MYBPC1: variants seen among roughly 807,000 people sequenced by gnomAD.
MYBPC1 encodes the protein myosin binding protein C1, also known as myosin-binding protein C, slow-type.
A neutral mutation model predicts 147.1 loss-of-function variants in MYBPC1; 52 were observed. The ratio of observed to expected loss-of-function variants is 0.35; its 90% CI spans 0.28 to 0.45. The LOEUF (loss-of-function observed/expected upper bound fraction) is 0.45, where lower values mean the gene tolerates loss of function less well. Among genes scored for constraint, MYBPC1 ranks in the 20% least tolerant of loss-of-function variants. The pLI, the probability that MYBPC1 is intolerant of heterozygous loss-of-function variation, is 1.00. For synonymous variants in MYBPC1, 477 were observed against 475.9 expected, an observed-to-expected ratio of 1.00 and a Z score of -0.03; for missense variants, 1,228 against 1,440.3, an observed-to-expected ratio of 0.85 and a Z score of 2.39.
At chr12:101,634,481 A>T in intron 8 of MYBPC1, 73 bp from the exon 9 acceptor site, 1 of 1,218,062 alleles carries the variant, frequency 8.2e-7, no homozygotes, top group Non-Finnish European at 1.2e-6. Flanking sequence ...GAATCCCCAC[A>T]GCCTATAAAG....
chr12:101,598,108 C>T (rs558883074), intron 1 of MYBPC1, among the ~76,000 whole-genome samples: 7 of 151,580 alleles, frequency 4.6e-5, no homozygotes, highest in African/African-American at 7.3e-5. Context: ...CAGCCTTTGC[C>T]TCCCAGGTTC....
At chr12:101,663,831 T>C (rs1326730303) in intron 22 of MYBPC1, among the ~76,000 whole-genome samples, 1 of 152,140 alleles carries the variant, frequency 6.6e-6, no homozygotes, top group Admixed American at 6.5e-5. Context: ...TAACAAAACT[T>C]TGGGGACTTC....
At chr12:101,692,088 G>A in the MYBPC1 span, among the ~76,000 whole-genome samples, 2 of 152,162 alleles carry the variant, frequency 1.3e-5, no homozygotes, top group Non-Finnish European at 2.9e-5. Context: ...ACAAATGAGA[G>A]TGGGTTTGGG....
In MYBPC1 at chr12:101,642,404, G is replaced by T; in HGVS notation, c.666-15G>T. 1 of 1,613,878 alleles carries T rather than the reference G, an allele frequency of 6.2e-7. No homozygotes were observed. The stretch of plus-strand genomic sequence containing the variant: ...AGTGCAGCTACTAAACTAGACCATG[G>T]TTCTCCCCGGTTAGGGAGGTGAAGC... On this transcript the variant is annotated splice_polypyrimidine_tract_variant and intron_variant, in intron 10 of 31. Transcript: ENST00000361466.
intron 16 of MYBPC1, among the ~76,000 whole-genome samples, chr12:101,651,822 C>T (rs1894527057): frequency 6.6e-6 from 1 of 152,096 alleles, no homozygotes; most frequent in Admixed American, 6.6e-5. Flanking sequence ...CACCTGTAAT[C>T]CCAACTACTT....
intron 17 of MYBPC1, 105 bp downstream of exon 17, chr12:101,652,889 A>G: frequency 8.8e-7 from 1 of 1,132,304 alleles, no homozygotes; most frequent in South Asian, 1.3e-5. Flanking sequence ...TTAAGGAAAA[A>G]TACATCAATT....
intron 30 of MYBPC1, among the ~76,000 whole-genome samples, chr12:101,682,981 A>C (rs531135306): frequency 6.6e-6 from 1 of 152,310 alleles, no homozygotes; most frequent in East Asian, 1.9e-4. Context: ...ATATTTCTTT[A>C]ATATTTTCAT....
intron 18 of MYBPC1, among the ~76,000 whole-genome samples, chr12:101,654,610 C>T (rs984989343): frequency 5.3e-5 from 8 of 152,064 alleles, no homozygotes; most frequent in African/African-American, 1.9e-4. Context: ...CAGAGAGTCC[C>T]CCTGGAGCTC....
At chr12:101,642,318 C>G (rs1892214982) in intron 10 of MYBPC1, 101 bp from the exon 11 acceptor site, 1 of 1,289,880 alleles carries the variant, frequency 7.8e-7, no homozygotes, top group African/African-American at 1.5e-5. Flanking sequence ...TTAAACAGAG[C>G]TTTTTTACAC....
chr12:101,683,142 T>G (rs1268245936), intron 30 of MYBPC1, among the ~76,000 whole-genome samples: 2 of 143,754 alleles, frequency 1.4e-5, no homozygotes, highest in Non-Finnish European at 3.2e-5. Flanking sequence ...AGATCCAATA[T>G]TTAGAGGCTG....
At chr12:101,620,636 T>C (rs1469143157) in intron 3 of MYBPC1, among the ~76,000 whole-genome samples, 2 of 152,152 alleles carry the variant, frequency 1.3e-5, no homozygotes. Flanking sequence ...CATAGGGTAA[T>C]TGGAGTAGGT....
At chr12:101,611,606 T>C (rs1002056294) in intron 1 of MYBPC1, among the ~76,000 whole-genome samples, 17 of 152,158 alleles carry the variant, frequency 1.1e-4, no homozygotes, top group African/African-American at 3.9e-4. Flanking sequence ...TTTTCAGCAA[T>C]AAAATGAGAT....
At chr12:101,597,925 C>G (rs1357935877) in intron 1 of MYBPC1, among the ~76,000 whole-genome samples, 1 of 151,770 alleles carries the variant, frequency 6.6e-6, no homozygotes, top group Non-Finnish European at 1.5e-5. Context: ...GCCTTTGATA[C>G]ATTCATTTAT....
intron 18 of MYBPC1, among the ~76,000 whole-genome samples, chr12:101,658,307 C>A (rs1178039774): frequency 6.6e-6 from 1 of 151,756 alleles, no homozygotes; most frequent in Non-Finnish European, 1.5e-5. Flanking sequence ...TTATATCAAC[C>A]GATGCAGAAA....
chr12:101,659,900 T>G, intron 19 of MYBPC1, 69 bp downstream of exon 19: 2 of 1,564,470 alleles, frequency 1.3e-6, no homozygotes, highest in Non-Finnish European at 8.8e-7. Context: ...AGACTTTCCT[T>G]CTTTGTCCTT....
At chr12:101,653,091 C>A in intron 17 of MYBPC1, 24 bp from the exon 18 acceptor site, 1 of 1,602,674 alleles carries the variant, frequency 6.2e-7, no homozygotes, top group Non-Finnish European at 8.5e-7. Context: ...TGTCTGATAA[C>A]AAAGACTATG....
chr12:101,626,245 G>A (rs1385429344), intron 3 of MYBPC1, among the ~76,000 whole-genome samples: 2 of 152,020 alleles, frequency 1.3e-5, no homozygotes, highest in African/African-American at 4.8e-5. Context: ...GAAATATTCT[G>A]CACATAAACA....
intron 23 of MYBPC1, chr12:101,670,039 T>C: frequency 4.1e-6 from 2 of 483,290 alleles, no homozygotes; most frequent in Non-Finnish European, 7.5e-6. Flanking sequence ...ATTACAACAA[T>C]AAAAATACAA....
intron 18 of MYBPC1, among the ~76,000 whole-genome samples, chr12:101,657,947 G>A (rs1593945342): frequency 1.3e-5 from 2 of 151,894 alleles, no homozygotes; most frequent in South Asian, 2.1e-4. Context: ...TGGCTAATAC[G>A]GTGAAACCCC....
Sources: gnomAD v4.1 joint callset for allele counts (sites outside exome capture counted in the v4.1 genomes callset) on GRCh38, gnomAD v4.1.1 for gene constraint, MANE v1.5 for transcripts, NCBI Gene and HGNC (gene_info 2026-07-23, HGNC 2026-07-21) for gene names.